The following LMCD1 variants were observed in gnomAD, a reference collection of about 807,000 sequenced individuals.
The protein encoded by LMCD1 is LIM and cysteine rich domains 1.
A neutral mutation model predicts 42.7 loss-of-function variants in LMCD1; 32 were observed. That is an observed-to-expected ratio of 0.75 (90% confidence interval 0.57 to 1.01). The LOEUF (loss-of-function observed/expected upper bound fraction) is 1.01, where lower values mean the gene tolerates loss of function less well. Among genes scored for constraint, LMCD1 ranks in the 50% least tolerant of loss-of-function variants. LMCD1 has a pLI of 0.00. For missense variants in LMCD1, 458 were observed against 483.1 expected (o/e 0.95, Z 0.49); for synonymous variants, 178 against 184.9 (o/e 0.96, Z 0.30).
intron 1 of LMCD1, chr3:8,514,833 C>A: frequency 2.4e-6 from 1 of 416,250 alleles, no homozygotes; most frequent in Non-Finnish European, 4.9e-6. Flanking sequence ...ATCAGAATAG[C>A]AACCACCTTT....
At chr3:8,533,013 CG>C (rs1467284182) in intron 2 of LMCD1, among the ~76,000 whole-genome samples, 188 bp downstream of exon 2, 4 of 151,976 alleles carry the variant, frequency 2.6e-5, no homozygotes, top group Non-Finnish European at 5.9e-5. Context: ...GGGAGTGTGG[CG>C]GGGGCAGTAA....
At chr3:8,558,252 G>T (rs917504970) in intron 4 of LMCD1, among the ~76,000 whole-genome samples, 3 of 152,312 alleles carry the variant, frequency 2.0e-5, no homozygotes, top group Non-Finnish European at 4.4e-5. Context: ...AACACCCATG[G>T]CTGAGGGAAC....
chr3:8,511,560 GA>G (rs1694001338), intron 1 of LMCD1, among the ~76,000 whole-genome samples: 2 of 152,206 alleles, frequency 1.3e-5, no homozygotes, highest in African/African-American at 4.8e-5. Context: ...GCGTCCCAAA[GA>G]GGGGACATTT....
chr3:8,540,975 C>T (rs1160591918), intron 3 of LMCD1, among the ~76,000 whole-genome samples: 1 of 152,146 alleles, frequency 6.6e-6, no homozygotes, highest in Non-Finnish European at 1.5e-5. Flanking sequence ...TCCTTCTTCA[C>T]ATAGCACTCT....
chr3:8,531,520 G>A (rs1417168161), intron 1 of LMCD1, among the ~76,000 whole-genome samples: 1 of 152,120 alleles, frequency 6.6e-6, no homozygotes, highest in Non-Finnish European at 1.5e-5. Context: ...GGCAGATAAG[G>A]AAACTGAGGC....
In LMCD1 at chr3:8,564,673, A is replaced by G. The variant is rs139040314; in HGVS notation, c.724-759A>G. ...CAAACAGGTTTTAATGTAAACAAAT[A>G]TGAAAGGTTCACTGATGTGCTTTCA... is the stretch of plus-strand genomic sequence containing the variant. On this transcript the variant is annotated intron_variant, in intron 4 of 5. Transcript: ENST00000157600. 5.9e-3 allele frequency among the ~76,000 whole-genome samples: 902 copies of G among 152,358 alleles called. 8 individuals are homozygous for G. The highest frequency in any genetic ancestry group is 0.02 in the African/African-American group (841 of 41,586).
Position 8,569,810 on chromosome 3 carries a change from ACATGG to A in LMCD1, c.*2215_*2219del, listed in dbSNP as rs1695184717. ...TAGGAGTTCGAGACCGGCCTGGGCAACATGGCAAAACTCCACCCCTACAAAAAATA... is the reference window on the plus strand; with the variant it reads ...TAGGAGTTCGAGACCGGCCTGGGCAACAAAACTCCACCCCTACAAAAAATA... On this transcript the variant is annotated 3_prime_UTR_variant, in exon 6 of 6. Coordinates refer to ENST00000157600, the MANE Select transcript of LMCD1 (RefSeq NM_014583.4). 2 of 152,542 alleles carry A rather than the reference ACATGG, an allele frequency of 1.3e-5. No homozygotes were observed. The highest frequency in any genetic ancestry group is 4.8e-5 in the African/African-American group (2 of 41,410). 9.4% of individuals were successfully genotyped at this position (152,542 alleles called of 1,614,324 possible).
At position 8,569,261 on chromosome 3, in the gene LMCD1, C is replaced by T. The variant is rs1019296855; in HGVS notation, c.*1663C>T. ...TGCAGAAGCTCCCTCTGATCAAGCC[C>T]TTCCCTTTGCTTTTGCTAGTTGAAG... On this transcript the variant is annotated 3_prime_UTR_variant, in exon 6 of 6. Coordinates refer to ENST00000157600, the MANE Select transcript of LMCD1 (RefSeq NM_014583.4). 2.6e-5 allele frequency: 4 copies of T among 152,234 alleles called. No individual in the cohort carries two copies. The highest frequency in any genetic ancestry group is 5.9e-5 in the Non-Finnish European group (4 of 68,060). 9.4% of individuals were successfully genotyped at this position (152,234 alleles called of 1,614,324 possible). A position where few individuals can be genotyped will look rare whatever the true frequency, so the allele number is the denominator to read the frequency against.
At position 8,537,477 on chromosome 3, in the gene LMCD1, A is replaced by G. The variant is rs747609962; in HGVS notation, c.387+37A>G. ...TCCCCAACCAAGCAGTTGTTTTCCT[A>G]TCCTCATAAATACTAGCCATGTCAA... is the stretch of plus-strand genomic sequence containing the variant. On this transcript the variant is annotated intron_variant, in intron 3 of 5. Transcript: ENST00000157600. 43 of 1,519,896 alleles carry G rather than the reference A, an allele frequency of 2.8e-5. No homozygotes were observed. In the African/African-American group the frequency reaches 5.0e-4, roughly 18 times the overall value. 94.2% of individuals were successfully genotyped at this position (1,519,896 alleles called of 1,614,324 possible).
chr3:8,506,892 G>A (rs183311148), intron 1 of LMCD1, among the ~76,000 whole-genome samples: 39 of 152,318 alleles, frequency 2.6e-4, no homozygotes, highest in Non-Finnish European at 5.1e-4. Flanking sequence ...CTTTACACCA[G>A]ATCATCTCCC....
intron 2 of LMCD1, among the ~76,000 whole-genome samples, chr3:8,534,103 TC>T (rs1694465180): frequency 6.6e-6 from 1 of 151,862 alleles, no homozygotes; most frequent in African/African-American, 2.4e-5. Flanking sequence ...ACCCCACTGG[TC>T]CTGAATCTCA....
chr3:8,521,853 C>G (rs922594135), intron 1 of LMCD1, among the ~76,000 whole-genome samples: 1 of 152,082 alleles, frequency 6.6e-6, no homozygotes. Context: ...ATCATAGATT[C>G]TTAATCAGAA....
At position 8,570,687 on chromosome 3, in the gene LMCD1, C is replaced by T. The variant is rs1394011377; in HGVS notation, c.*3089C>T. On this transcript the variant is annotated 3_prime_UTR_variant, in exon 6 of 6. Transcript: ENST00000157600. ...CCGACGGGAACTCACCCTCTCCACCCACCACTTCCAGATGAATTGCTCAGA... is the reference window on the plus strand; with the variant it reads ...CCGACGGGAACTCACCCTCTCCACCTACCACTTCCAGATGAATTGCTCAGA... 1 of 152,288 alleles carries T rather than the reference C, an allele frequency of 6.6e-6. No individual in the cohort carries two copies. The highest frequency in any genetic ancestry group is 1.5e-5 in the Non-Finnish European group (1 of 68,082). 9.4% of individuals were successfully genotyped at this position (152,288 alleles called of 1,614,324 possible). A position where few individuals can be genotyped will look rare whatever the true frequency, so the allele number is the denominator to read the frequency against.
chr3:8,529,936 G>A (rs1477225413), intron 1 of LMCD1, among the ~76,000 whole-genome samples: 1 of 152,124 alleles, frequency 6.6e-6, no homozygotes, highest in Admixed American at 6.5e-5. Context: ...AACCCTGCAA[G>A]GCAAGTTGCA....
intron 4 of LMCD1, among the ~76,000 whole-genome samples, chr3:8,552,724 T>C (rs1331232370): frequency 6.6e-6 from 1 of 152,184 alleles, no homozygotes; most frequent in Non-Finnish European, 1.5e-5. Flanking sequence ...CTGCTGGCTC[T>C]ATGTATGTAT....
intron 1 of LMCD1, among the ~76,000 whole-genome samples, chr3:8,532,417 T>G (rs1475823501): frequency 6.6e-6 from 1 of 152,020 alleles, no homozygotes; most frequent in East Asian, 1.9e-4. Flanking sequence ...GGGGATGGAA[T>G]AGATAGATGG....
intron 4 of LMCD1, chr3:8,550,147 G>C (rs1574969957): frequency 7.4e-7 from 1 of 1,353,276 alleles, no homozygotes; most frequent in African/African-American, 1.5e-5. Flanking sequence ...GGAGATGAAA[G>C]CCTCATGGCT....
intron 1 of LMCD1, among the ~76,000 whole-genome samples, chr3:8,521,447 C>CT (rs1170071627): frequency 6.6e-6 from 1 of 152,206 alleles, no homozygotes; most frequent in Non-Finnish European, 1.5e-5. Context: ...GATCCTGTGA[C>CT]TTTTTCCATG....
chr3:8,507,625 G>A (rs541830904), intron 1 of LMCD1, among the ~76,000 whole-genome samples: 2 of 152,172 alleles, frequency 1.3e-5, no homozygotes, highest in Non-Finnish European at 2.9e-5. Context: ...CTAAGGGTCC[G>A]GAGATGATTG....
Sources: gnomAD v4.1 joint callset for allele counts (sites outside exome capture counted in the v4.1 genomes callset) on GRCh38, gnomAD v4.1.1 for gene constraint, MANE v1.5 for transcripts, NCBI Gene and HGNC (gene_info 2026-07-23, HGNC 2026-07-21) for gene names.